CYP4X1: variants seen among roughly 807,000 people sequenced by gnomAD.
CYP4X1 encodes cytochrome P450 4X1.
A neutral mutation model predicts 57.9 loss-of-function variants in CYP4X1; 44 were observed. The ratio of observed to expected loss-of-function variants is 0.76; its 90% CI spans 0.60 to 0.98. CYP4X1 has a LOEUF of 0.98. Ranked by LOEUF, CYP4X1 falls within the 50% of genes least tolerant of loss-of-function variation. The pLI, the probability that CYP4X1 is intolerant of heterozygous loss-of-function variation, is 0.00. For missense variants in CYP4X1, 532 were observed against 623.9 expected (o/e 0.85, Z 1.57); for synonymous variants, 227 against 228.6 (o/e 0.99, Z 0.06).
chr1:47,036,224 TGTC>T, intron 6 of CYP4X1, 53 bp downstream of exon 6: 1 of 1,553,008 alleles, frequency 6.4e-7, no homozygotes, highest in Non-Finnish European at 8.7e-7. Context: ...GATTGTACTG[TGTC>T]TGTCTAGAGG....
chr1:47,015,446 G>T, the CYP4X1 span, among the ~76,000 whole-genome samples: 1 of 152,078 alleles, frequency 6.6e-6, no homozygotes, highest in African/African-American at 2.4e-5. Context: ...GATGCCTCAG[G>T]ATTCTCTAAA....
At chr1:47,020,761 C>A (rs1454272233), upstream of CYP4X1, among the ~76,000 whole-genome samples, 2 of 152,216 alleles carry the variant, frequency 1.3e-5, no homozygotes. Flanking sequence ...TCTTAAAATT[C>A]ATTTATTATT....
chr1:47,049,333 A>G, intron 10 of CYP4X1, 89 bp from the exon 11 acceptor site: 3 of 945,842 alleles, frequency 3.2e-6, no homozygotes, highest in Non-Finnish European at 5.1e-6. Flanking sequence ...AGATCACATT[A>G]TATTTCTATT....
At chr1:46,988,184 T>TA in the CYP4X1 span, among the ~76,000 whole-genome samples, 6 of 151,770 alleles carry the variant, frequency 4.0e-5, no homozygotes, top group Non-Finnish European at 8.8e-5. Flanking sequence ...ATAGATGCAA[T>TA]AAAAAATGAT....
At chr1:47,033,759 C>T (rs1644149429) in intron 4 of CYP4X1, among the ~76,000 whole-genome samples, 1 of 152,126 alleles carries the variant, frequency 6.6e-6, no homozygotes, top group African/African-American at 2.4e-5. Context: ...TCAATAGAGG[C>T]TTTCAAACAA....
chr1:47,020,809 A>C (rs1048315313), upstream of CYP4X1, among the ~76,000 whole-genome samples: 6 of 152,194 alleles, frequency 3.9e-5, no homozygotes, highest in African/African-American at 1.2e-4. Context: ...TGGATCAAAA[A>C]TATAGATTGC....
At chr1:46,977,059 C>A in the CYP4X1 span, among the ~76,000 whole-genome samples, 1 of 152,150 alleles carries the variant, frequency 6.6e-6, no homozygotes, top group Non-Finnish European at 1.5e-5. Context: ...AACCAGGGCA[C>A]CTCTTCTCCT....
the CYP4X1 span, among the ~76,000 whole-genome samples, chr1:46,983,255 G>A: frequency 2.0e-5 from 3 of 152,186 alleles, no homozygotes; most frequent in African/African-American, 4.8e-5. Flanking sequence ...ACATAGAGCC[G>A]GTGCCTATGG....
the CYP4X1 span, among the ~76,000 whole-genome samples, chr1:46,962,216 G>A: frequency 7.6e-3 from 1,148 of 151,948 alleles, 12 homozygotes; most frequent in African/African-American, 0.026. Flanking sequence ...TCCCGGGTTC[G>A]AGTGATTCTC....
At chr1:47,000,380 T>C in the CYP4X1 span, among the ~76,000 whole-genome samples, 1 of 152,026 alleles carries the variant, frequency 6.6e-6, no homozygotes, top group African/African-American at 2.4e-5. Flanking sequence ...AACAGATAAA[T>C]ACAAGCGGCC....
the CYP4X1 span, among the ~76,000 whole-genome samples, chr1:46,980,461 C>T: frequency 6.6e-6 from 1 of 152,152 alleles, no homozygotes; most frequent in Non-Finnish European, 1.5e-5. Flanking sequence ...CAAACCACTG[C>T]TCAATGAAAT....
upstream of CYP4X1, among the ~76,000 whole-genome samples, chr1:47,019,683 C>T (rs1403712267): frequency 2.6e-5 from 4 of 152,124 alleles, no homozygotes; most frequent in African/African-American, 9.7e-5. Flanking sequence ...CACTACCTTC[C>T]CCATCCCAAT....
chr1:47,049,663 G>A (rs921077272), intron 11 of CYP4X1, among the ~76,000 whole-genome samples, 159 bp downstream of exon 11: 3 of 152,144 alleles, frequency 2.0e-5, no homozygotes, highest in Admixed American at 1.3e-4. Context: ...AAGGACAATC[G>A]TATTCTCTGT....
the CYP4X1 span, among the ~76,000 whole-genome samples, chr1:46,978,797 A>C: frequency 6.6e-6 from 1 of 152,210 alleles, no homozygotes; most frequent in East Asian, 1.9e-4. Context: ...AGTGCAATCA[A>C]ATTAGAGCTC....
At chr1:46,970,956 G>C in the CYP4X1 span, among the ~76,000 whole-genome samples, 119 of 152,124 alleles carry the variant, frequency 7.8e-4, 1 homozygote, top group African/African-American at 2.8e-3. Context: ...TAGGTTCAGG[G>C]GTACATGTGC....
the CYP4X1 span, among the ~76,000 whole-genome samples, chr1:47,010,267 C>T: frequency 1.3e-5 from 2 of 152,172 alleles, no homozygotes; most frequent in Admixed American, 6.6e-5. Flanking sequence ...ATACGCAAAT[C>T]AATAAATGTA....
chr1:47,041,246 A>G (rs373065022), intron 8 of CYP4X1, among the ~76,000 whole-genome samples: 171 of 152,324 alleles, frequency 1.1e-3, no homozygotes, highest in African/African-American at 3.8e-3. Context: ...TAATGCTGCA[A>G]TGAACATGGG....
the CYP4X1 span, among the ~76,000 whole-genome samples, chr1:46,996,204 T>C: frequency 0.82 from 124,320 of 152,212 alleles, 55,079 homozygotes; most frequent in Non-Finnish European, 0.98. Context: ...ATGAAGAGGG[T>C]AGCTGCAACA....
At chr1:47,043,472 A>AT (rs372587466) in intron 8 of CYP4X1, among the ~76,000 whole-genome samples, 2 of 151,674 alleles carry the variant, frequency 1.3e-5, no homozygotes, top group African/African-American at 4.8e-5. Flanking sequence ...AGTCCCACCT[A>AT]TTTATCTTTT....
Sources: allele counts gnomAD v4.1 joint callset (sites outside exome capture counted in the v4.1 genomes callset), GRCh38; gene constraint gnomAD v4.1.1; transcripts MANE v1.5; gene names NCBI Gene and HGNC (gene_info 2026-07-23, HGNC 2026-07-21).